Variants in CLEC16A observed in about 807,000 individuals in gnomAD.
The protein encoded by CLEC16A is C-type lectin domain containing 16A, also known as protein CLEC16A.
A neutral mutation model predicts 109.5 loss-of-function variants in CLEC16A; 51 were observed. That is an observed-to-expected ratio of 0.47 (90% CI 0.37 to 0.59). CLEC16A has a LOEUF of 0.59. CLEC16A is among the 20% of genes least tolerant of loss of function. The pLI, the probability that CLEC16A is intolerant of heterozygous loss-of-function variation, is 0.00. For synonymous variants in CLEC16A, 673 were observed against 564.2 expected (o/e 1.19, Z -2.73); for missense variants, 1,339 against 1,394.0 (o/e 0.96, Z 0.63).
intron 10 of CLEC16A, among the ~76,000 whole-genome samples, chr16:10,983,988 T>C (rs2043477302): frequency 6.6e-6 from 1 of 151,278 alleles, no homozygotes; most frequent in Non-Finnish European, 1.5e-5. Flanking sequence ...GTGAGATCCC[T>C]GCCATAAGGA....
chr16:11,094,324 G>A (rs2050481761), intron 19 of CLEC16A, among the ~76,000 whole-genome samples: 1 of 152,170 alleles, frequency 6.6e-6, no homozygotes, highest in African/African-American at 2.4e-5. Context: ...CGCCTGTCCT[G>A]GGCAGGCCGA....
chr16:11,075,951 T>C (rs1250178844), intron 19 of CLEC16A, among the ~76,000 whole-genome samples: 2 of 152,192 alleles, frequency 1.3e-5, no homozygotes, highest in East Asian at 1.9e-4. Flanking sequence ...CAGCCAAACC[T>C]TGGAATATCC....
At chr16:11,059,665 A>G (rs1290624523) in intron 18 of CLEC16A, among the ~76,000 whole-genome samples, 2 of 151,400 alleles carry the variant, frequency 1.3e-5, no homozygotes, top group East Asian at 3.9e-4. Flanking sequence ...AGCCATAAAC[A>G]AGAAGACCCA....
intron 23 of CLEC16A, among the ~76,000 whole-genome samples, chr16:11,177,569 C>T (rs977807862): frequency 6.6e-6 from 1 of 150,794 alleles, no homozygotes; most frequent in Admixed American, 6.6e-5. Flanking sequence ...CACTGCACTC[C>T]AGCCTGGGCA....
chr16:11,092,322 C>T (rs111610974), intron 19 of CLEC16A, among the ~76,000 whole-genome samples: 17,354 of 149,152 alleles, frequency 0.12, 1,341 homozygotes, highest in African/African-American at 0.22. Context: ...CCAGTCTGGG[C>T]GATAGAGTAA....
At chr16:10,981,722 T>C (rs1233412042) in intron 9 of CLEC16A, among the ~76,000 whole-genome samples, 1 of 152,260 alleles carries the variant, frequency 6.6e-6, no homozygotes, top group East Asian at 1.9e-4. Flanking sequence ...ACCGGGTTTC[T>C]GTTCTAGTTT....
Position 11,126,067 on chromosome 16 carries a change from C to T in CLEC16A, c.2562C>T (p.Arg854=). Residue 854 remains arginine (R), a synonymous_variant, in exon 22 of 24, where the codon CGC becomes CGT. Transcript: ENST00000409790. The stretch of plus-strand genomic sequence containing the variant: ...CCTCCACTCAGCACCTGCCTTTCCG[C>T]TTCTACGACCAGGGGCGCCGGGGCA... ...SSTSTQHLPF[R]FYDQGRRGSS... 6.2e-7 allele frequency: 1 copy of T among 1,613,976 alleles called. No homozygotes were observed. Among genetic ancestry groups the T allele is most frequent in the Non-Finnish European group, 8.5e-7 (1 of 1,179,866 alleles).
At chr16:11,083,512 C>T (rs968597030) in intron 19 of CLEC16A, among the ~76,000 whole-genome samples, 5 of 152,204 alleles carry the variant, frequency 3.3e-5, no homozygotes, top group Admixed American at 6.5e-5. Flanking sequence ...GTGGAGGCCC[C>T]ATGTGGGAGG....
intron 10 of CLEC16A, among the ~76,000 whole-genome samples, chr16:10,996,339 C>T (rs2044326430): frequency 6.6e-6 from 1 of 152,200 alleles, no homozygotes; most frequent in Non-Finnish European, 1.5e-5. Flanking sequence ...TGTGCATCTG[C>T]CCCTACCTGG....
At chr16:11,093,471 G>T (rs957017145) in intron 19 of CLEC16A, among the ~76,000 whole-genome samples, 1 of 152,212 alleles carries the variant, frequency 6.6e-6, no homozygotes, top group Non-Finnish European at 1.5e-5. Flanking sequence ...CCGGGAGCAT[G>T]CCCTGCTGGA....
intron 2 of CLEC16A, among the ~76,000 whole-genome samples, chr16:10,960,907 T>C (rs1433653255): frequency 6.6e-6 from 1 of 152,256 alleles, no homozygotes; most frequent in Non-Finnish European, 1.5e-5. Flanking sequence ...ATATGCTCTC[T>C]TCCTTTTGTT....
intron 19 of CLEC16A, among the ~76,000 whole-genome samples, chr16:11,108,269 T>C (rs867039716): frequency 5.9e-5 from 9 of 152,358 alleles, no homozygotes; most frequent in Non-Finnish European, 8.8e-5. Flanking sequence ...AGAGAAACTC[T>C]CAAGGGTAGA....
intron 19 of CLEC16A, among the ~76,000 whole-genome samples, chr16:11,119,195 T>C (rs1465940769): frequency 6.6e-6 from 1 of 152,178 alleles, no homozygotes; most frequent in African/African-American, 2.4e-5. Context: ...AGAGACAGTG[T>C]TTCACCATGT....
chr16:11,147,407 G>C (rs1281592790), intron 22 of CLEC16A, among the ~76,000 whole-genome samples: 1 of 152,172 alleles, frequency 6.6e-6, no homozygotes, highest in Non-Finnish European at 1.5e-5. Flanking sequence ...TTGGACTTGG[G>C]CCTGATTTGA....
At chr16:10,979,257 G>T in intron 8 of CLEC16A, 72 bp from the exon 9 acceptor site, 1 of 1,409,704 alleles carries the variant, frequency 7.1e-7, no homozygotes. Context: ...GAAGGCTTTT[G>T]GCTTTGTGTA....
At chr16:10,967,294 G>C (rs569947412) in intron 3 of CLEC16A, among the ~76,000 whole-genome samples, 29 of 152,272 alleles carry the variant, frequency 1.9e-4, no homozygotes, top group African/African-American at 7.0e-4. Context: ...GTTTGACTTT[G>C]ATCGACCTCA....
chr16:10,984,660 C>T (rs992080836), intron 10 of CLEC16A, among the ~76,000 whole-genome samples: 21 of 152,174 alleles, frequency 1.4e-4, no homozygotes, highest in Non-Finnish European at 1.0e-4. Context: ...TGACAACACA[C>T]GGTCTGGCAA....
At chr16:11,145,118 G>A (rs1359295032) in intron 22 of CLEC16A, among the ~76,000 whole-genome samples, 3 of 152,172 alleles carry the variant, frequency 2.0e-5, no homozygotes, top group Admixed American at 1.3e-4. Flanking sequence ...AGGAGATAAA[G>A]CCACGTGGGA....
intron 3 of CLEC16A, among the ~76,000 whole-genome samples, chr16:10,965,447 C>A (rs1041996083): frequency 7.2e-5 from 11 of 152,202 alleles, no homozygotes; most frequent in African/African-American, 2.7e-4. Context: ...TGTGCACCAG[C>A]CATTCTGCTG....
Sources: allele counts gnomAD v4.1 joint callset (sites outside exome capture counted in the v4.1 genomes callset), GRCh38; gene constraint gnomAD v4.1.1; transcripts MANE v1.5; gene names NCBI Gene and HGNC (gene_info 2026-07-23, HGNC 2026-07-21).